Variants in RBCK1 observed in about 807,000 individuals in gnomAD.
The protein encoded by RBCK1 is ranBP-type and C3HC4-type zinc finger-containing protein 1.
Under a neutral mutation model 71.1 loss-of-function variants are expected in RBCK1, and 44 were observed. The observed-to-expected ratio is 0.62, with a 90% confidence interval of 0.49 to 0.80. The LOEUF (loss-of-function observed/expected upper bound fraction) is 0.80. Among genes scored for constraint, RBCK1 ranks in the 30% least tolerant of loss-of-function variants. RBCK1 has a pLI of 0.00. For missense variants in RBCK1, 569 were observed against 685.0 expected (o/e 0.83, Z 1.89); for synonymous variants, 306 against 279.7 (o/e 1.09, Z -0.94).
intron 6 of RBCK1, 40 bp from the exon 7 acceptor site, chr20:420,831 A>T (rs1285620554): frequency 6.7e-7 from 1 of 1,503,248 alleles, no homozygotes; most frequent in Non-Finnish European, 8.9e-7. Flanking sequence ...CCCGCCCCCG[A>T]GGCCCTGACC....
intron 1 of RBCK1, among the ~76,000 whole-genome samples, chr20:409,466 C>CTT (rs11475730): frequency 6.8e-6 from 1 of 147,346 alleles, no homozygotes; most frequent in Non-Finnish European, 1.5e-5. Flanking sequence ...CGCAATCTGA[C>CTT]TTTTTTTTTT....
At chr20:410,720 C>T in intron 2 of RBCK1, 1 of 593,430 alleles carries the variant, frequency 1.7e-6, no homozygotes, top group Non-Finnish European at 3.0e-6. Flanking sequence ...TGCACAATGC[C>T]TGGCGTGTTA....
At chr20:429,461 G>GA (rs539365501) in intron 11 of RBCK1, among the ~76,000 whole-genome samples, 112 of 152,264 alleles carry the variant, frequency 7.4e-4, no homozygotes, top group Middle Eastern at 3.4e-3. Flanking sequence ...CCCGACCGCA[G>GA]GTGATCCACC....
In RBCK1 at chr20:431,198, G is replaced by A. The variant is rs2295495; in HGVS notation, c.*768G>A. Among the ~76,000 whole-genome samples the A allele has an allele frequency of 0.45, 68,441 of 152,026 alleles. 18,287 individuals carry two copies. The highest frequency in any genetic ancestry group is 0.61 in the Middle Eastern group (179 of 294). On this transcript the variant is annotated 3_prime_UTR_variant, in exon 12 of 12. Transcript: ENST00000356286. The surrounding 1 kb of genome is among the most constrained non-coding windows in gnomAD (Gnocchi z 4.8). Reference sequence around the variant, plus strand: ...CACCGTCAGCCAGGACAGGTGGAGTGTGCAGTGTGTCAAGTCTGCAGAGAA... The same window carrying A: ...CACCGTCAGCCAGGACAGGTGGAGTATGCAGTGTGTCAAGTCTGCAGAGAA...
At chr20:411,468 C>T (rs908681980) in intron 2 of RBCK1, among the ~76,000 whole-genome samples, 9 of 152,130 alleles carry the variant, frequency 5.9e-5, no homozygotes, top group African/African-American at 1.7e-4. Flanking sequence ...CCCAGGTTCA[C>T]GCCATTCTCC....
chr20:427,395 G>C lies in RBCK1; in HGVS notation c.1112G>C (p.Cys371Ser). ...AACCGCAGTGCCTTCAGCTACCATT[G>C]CAAGACCCCAGATTGCAAGGGATGG... is the stretch of plus-strand genomic sequence containing the variant. ...AENRSAFSYH[C>S]KTPDCKGWCF... Residue 371 changes from cysteine to serine, a missense_variant, in exon 9 of 12, where the codon TGC (cysteine) becomes TCC (serine). This residue lies in a region of RBCK1 where 211 missense variants were observed against 309.4 expected (regional missense o/e 0.68). Coordinates refer to ENST00000356286, the MANE Select transcript of RBCK1 (RefSeq NM_031229.4). 6.2e-7 allele frequency: 1 copy of C among 1,614,160 alleles called. No individual in the cohort carries two copies. Among genetic ancestry groups the C allele is most frequent in the Non-Finnish European group, 8.5e-7 (1 of 1,180,032 alleles).
rs376791021 is a variant in RBCK1 at position 408,849 on chromosome 20, C to T, written c.22+70C>T. 2.5e-4 allele frequency: 385 copies of T among 1,562,762 alleles called. No individual in the cohort carries two copies. The African/African-American group carries it at 2.7e-3, about 11-fold the overall frequency. Reference sequence around the variant, plus strand: ...GGGCCCCGCAGGACCTGGCCTTGCCCCTGGCCAGAAGGGCCTTGGAGAGGG... The same window carrying T: ...GGGCCCCGCAGGACCTGGCCTTGCCTCTGGCCAGAAGGGCCTTGGAGAGGG... On this transcript the variant is annotated intron_variant, in intron 1 of 11. Coordinates refer to ENST00000356286, the MANE Select transcript of RBCK1 (RefSeq NM_031229.4).
In RBCK1 at chr20:417,563, G is replaced by A. The variant is rs778362577; in HGVS notation, c.205G>A (p.Val69Ile). 98 of 1,613,822 alleles carry A rather than the reference G, an allele frequency of 6.1e-5. No individual in the cohort carries two copies. The highest frequency in any genetic ancestry group is 1.3e-4 in the East Asian group (6 of 44,898). Residue 69 changes from valine (V) to isoleucine (I), a missense_variant, in exon 3 of 12, where the codon GTC becomes ATC. Physicochemically the swap from Val to Ile is conservative, Grantham distance 29. Around this residue, in one of 2 missense-constraint regions of RBCK1, gnomAD observed 358 missense variants for 375.6 expected, o/e 0.95. Coordinates refer to ENST00000356286, the MANE Select transcript of RBCK1 (RefSeq NM_031229.4). This position sits in a 1 kb window ranked among gnomAD's most constrained non-coding sequence, Gnocchi z 4.7. ...VSVEDAQMHT[V>I]TIWLTVRPDM... ...CGTGGAGGATGCTCAGATGCACACC[G>A]TCACCATCTGGCTCACAGTGCGCCC...
In RBCK1 at chr20:410,437, T is replaced by C. The variant is rs1600272376; in HGVS notation, c.167+412T>C. 3.8e-6 allele frequency: 3 copies of C among 779,738 alleles called. No individual in the cohort carries two copies. In the Middle Eastern group the frequency reaches 6.8e-4, roughly 176 times the overall value. The allele number at this position is 779,738 out of a possible 1,614,324, so 48.3% of individuals were successfully genotyped here. A position where few individuals can be genotyped will look rare whatever the true frequency, so the allele number is the denominator to read the frequency against. On this transcript the variant is annotated intron_variant, in intron 2 of 11. Transcript: ENST00000356286. ...ATTCCTCATGGTGCAAAATGGCCAT[T>C]CCAGCTCCATCCAGCCATCACATCA... is the stretch of plus-strand genomic sequence containing the variant.
chr20:420,342 C>T, intron 6 of RBCK1: 1 of 984,948 alleles, frequency 1.0e-6, no homozygotes, highest in Non-Finnish European at 1.2e-6. Flanking sequence ...CCGAGTGCTC[C>T]CCATTCTGAT....
intron 4 of RBCK1, among the ~76,000 whole-genome samples, chr20:418,586 T>A (rs555869241): frequency 1.3e-5 from 2 of 152,148 alleles, no homozygotes; most frequent in Admixed American, 6.5e-5. Context: ...GCCAGGATGG[T>A]CTCGATCTCC....
rs2016964295 is a variant in RBCK1, at chr20:430,490, A to G, written c.*60A>G. Reference sequence around the variant, plus strand: ...CCACATCCACATTCTGTTAGAATGTAGCTCAGGGAGCTTCGTGGACGGCCT... The same window carrying G: ...CCACATCCACATTCTGTTAGAATGTGGCTCAGGGAGCTTCGTGGACGGCCT... On this transcript the variant is annotated 3_prime_UTR_variant, in exon 12 of 12. Coordinates refer to ENST00000356286, the MANE Select transcript of RBCK1 (RefSeq NM_031229.4). The surrounding 1 kb of genome is among the most constrained non-coding windows in gnomAD (Gnocchi z 5.6). The G allele has an allele frequency of 1.1e-5, 16 of 1,506,350 alleles. No homozygotes were observed. The South Asian group carries it at 1.8e-4, about 17-fold the overall frequency. 93.3% of individuals were successfully genotyped at this position (1,506,350 alleles called of 1,614,324 possible).
Position 422,296 on chromosome 20 carries a change from T to G in RBCK1, c.1029+58T>G. The G allele has an allele frequency of 6.6e-6, 9 of 1,371,524 alleles. No homozygotes were observed. Among genetic ancestry groups the G allele is most frequent in the African/African-American group, 1.5e-5 (1 of 68,924 alleles). The allele number at this position is 1,371,524 out of a possible 1,614,324, so 85.0% of individuals were successfully genotyped here. On this transcript the variant is annotated intron_variant, in intron 8 of 11. Transcript: ENST00000356286. This position sits in a 1 kb window ranked among gnomAD's most constrained non-coding sequence, Gnocchi z 5.0. ...TCCCAACTCCTAAGGAACTGGGCCCTGAGCAGGCAGCAGACATCTTTCTTT... is the reference window on the plus strand; with the variant it reads ...TCCCAACTCCTAAGGAACTGGGCCCGGAGCAGGCAGCAGACATCTTTCTTT...
At chr20:409,151 T>C (rs2015546135) in intron 1 of RBCK1, among the ~76,000 whole-genome samples, 1 of 152,202 alleles carries the variant, frequency 6.6e-6, no homozygotes, top group Non-Finnish European at 1.5e-5. Flanking sequence ...ACTGCCTTGC[T>C]GGAAACCCTC....
Position 430,352 on chromosome 20 carries a change from C to T in RBCK1, c.1455C>T (p.Gly485=). The T allele has an allele frequency of 1.9e-6, 3 of 1,608,688 alleles. No individual in the cohort carries two copies. Among genetic ancestry groups the T allele is most frequent in the South Asian group, 2.2e-5 (2 of 90,956 alleles). Residue 485 remains glycine (G), a splice_region_variant and synonymous_variant, in exon 12 of 12, where the codon GGC becomes GGT. Transcript: ENST00000356286. This position sits in a 1 kb window ranked among gnomAD's most constrained non-coding sequence, Gnocchi z 5.6. ...VTKGPRWGPG[G]PGDTSGGCRC... ...CTTCTCTTCCTCCCATCCTCTAGGG[C>T]CCAGGAGACACCAGCGGGGGCTGCC...
At chr20:418,909 A>G (rs182909015) in intron 4 of RBCK1, among the ~76,000 whole-genome samples, 1,857 of 152,270 alleles carry the variant, frequency 0.012, 11 homozygotes, top group Non-Finnish European at 0.019. Context: ...TTGTCCCACT[A>G]TTGTCATTTA....
intron 8 of RBCK1, among the ~76,000 whole-genome samples, chr20:426,569 A>G (rs945164661): frequency 1.3e-5 from 2 of 152,116 alleles, no homozygotes; most frequent in African/African-American, 4.8e-5. Flanking sequence ...TCCATTGTAT[A>G]TATGTGCCAC....
rs374266902 is a variant in RBCK1, at chr20:423,302, A to AAT, written c.1029+1079_1029+1080dup. 3.0e-3 allele frequency among the ~76,000 whole-genome samples: 454 copies of AAT among 150,850 alleles called. 1 individual carries two copies. The highest frequency in any genetic ancestry group is 6.3e-3 in the South Asian group (30 of 4,794). On this transcript the variant is annotated intron_variant, in intron 8 of 11. Coordinates refer to ENST00000356286, the MANE Select transcript of RBCK1 (RefSeq NM_031229.4). ...CAACCAGAGCGAAACTCCGTCTGAA[A>AAT]ATATATATATATATATTTAGAGTAG...
In RBCK1 at chr20:428,350, T is replaced by C. The variant is rs1364167224; in HGVS notation, c.1210-141T>C. The C allele has an allele frequency of 3.6e-6, 2 of 562,736 alleles. No homozygotes were observed. The highest frequency in any genetic ancestry group is 3.2e-6 in the Non-Finnish European group (1 of 314,144). The allele number at this position is 562,736 out of a possible 1,614,324, so 34.9% of individuals were successfully genotyped here. On this transcript the variant is annotated intron_variant, in intron 9 of 11. Transcript: ENST00000356286. The surrounding 1 kb of genome is among the most constrained non-coding windows in gnomAD (Gnocchi z 5.7). ...ATATCCTCTTCTGTAAAATGGCTTATGCATTACAAAGTGAGGTCCTGCCAG... is the reference window on the plus strand; with the variant it reads ...ATATCCTCTTCTGTAAAATGGCTTACGCATTACAAAGTGAGGTCCTGCCAG...
Sources: allele counts gnomAD v4.1 joint callset (sites outside exome capture counted in the v4.1 genomes callset), GRCh38; gene constraint gnomAD v4.1.1; regional missense constraint gnomAD v4.1.1; non-coding constraint Gnocchi (gnomAD v3.1); transcripts MANE v1.5; gene names NCBI Gene and HGNC (gene_info 2026-07-23, HGNC 2026-07-21).